CACNA1B: variants seen among roughly 807,000 people sequenced by gnomAD.
The protein encoded by CACNA1B is calcium voltage-gated channel subunit alpha1 B.
Under a neutral mutation model 247.2 loss-of-function variants are expected in CACNA1B, and 70 were observed. The observed-to-expected ratio is 0.28, with a 90% CI of 0.23 to 0.35. The LOEUF (loss-of-function observed/expected upper bound fraction) is 0.35, where lower values mean the gene tolerates loss of function less well. Ranked by LOEUF, CACNA1B falls within the 10% of genes least tolerant of loss-of-function variation. CACNA1B has a pLI of 1.00. For synonymous variants in CACNA1B, 1,231 were observed against 1,294.4 expected, an observed-to-expected ratio of 0.95 and a Z score of 1.05; for missense variants, 2,367 against 3,197.4, an observed-to-expected ratio of 0.74 and a Z score of 6.26.
In CACNA1B at chr9:137,971,737, T is replaced by C. The variant is rs4412433; in HGVS notation, c.1543+145T>C. On this transcript the variant is annotated intron_variant, in intron 11 of 46. Coordinates refer to ENST00000371372, the MANE Select transcript of CACNA1B (RefSeq NM_000718.4). The surrounding 1 kb of genome is among the most constrained non-coding windows in gnomAD (Gnocchi z 4.4). ...AAGTATCCCACAGCCCTAGTCAGCC[T>C]CCAGGAGCCTCTGTGGGGGCCTGGG... is the stretch of plus-strand genomic sequence containing the variant. 0.29 allele frequency: 199,728 copies of C among 685,552 alleles called. 39,185 individuals carry two copies. The highest frequency in any genetic ancestry group is 0.7 in the African/African-American group (39,389 of 55,920). The allele number at this position is 685,552 out of a possible 1,614,324, so 42.5% of individuals were successfully genotyped here.
At chr9:138,118,512 G>C (rs1012851570) in intron 43 of CACNA1B, 140 bp from the exon 44 acceptor site, 5 of 582,112 alleles carry the variant, frequency 8.6e-6, no homozygotes, top group African/African-American at 7.6e-5. Flanking sequence ...GGTGGGGGAC[G>C]TGTGAACAGC....
rs2133486760 is a variant in CACNA1B, at chr9:138,050,791, G to A, written c.3711-1301G>A. Among the ~76,000 whole-genome samples the A allele has an allele frequency of 6.6e-6, 1 of 152,272 alleles. No individual in the cohort carries two copies. Among genetic ancestry groups the A allele is most frequent in the South Asian group, 2.1e-4 (1 of 4,828 alleles). On this transcript the variant is annotated intron_variant, in intron 24 of 46. Coordinates refer to ENST00000371372, the MANE Select transcript of CACNA1B (RefSeq NM_000718.4). This position sits in a 1 kb window ranked among gnomAD's most constrained non-coding sequence, Gnocchi z 5.2. Reference sequence around the variant, plus strand: ...GGCGGAGGAGCTGGTTTGAGAGTGGGTGTCGGGAGCACTGGGGTGATGGAG... The same window carrying A: ...GGCGGAGGAGCTGGTTTGAGAGTGGATGTCGGGAGCACTGGGGTGATGGAG...
chr9:137,894,104 A>G lies in CACNA1B; in HGVS notation c.530+11221A>G, dbSNP rs1378442927. On this transcript the variant is annotated intron_variant, in intron 3 of 46. Transcript: ENST00000371372. ...CACATTCATGTACAGGTTTTTGTGT[A>G]AATATAAGTTCTCACTTCTCTGGGA... 2.0e-5 allele frequency among the ~76,000 whole-genome samples: 3 copies of G among 152,244 alleles called. No homozygotes were observed. The South Asian group carries it at 6.2e-4, about 32-fold the overall frequency.
chr9:137,911,645 C>T (rs1450463457), intron 3 of CACNA1B, among the ~76,000 whole-genome samples: 1 of 152,196 alleles, frequency 6.6e-6, no homozygotes, highest in East Asian at 1.9e-4. Context: ...TCTCGAACTC[C>T]TGACCTCAGG....
At chr9:137,968,359 G>A (rs1048047627) in intron 10 of CACNA1B, among the ~76,000 whole-genome samples, 3 of 152,214 alleles carry the variant, frequency 2.0e-5, no homozygotes, top group Non-Finnish European at 2.9e-5. Context: ...CGGCCCTGAC[G>A]CCTTGTCAGC....
chr9:137,988,217 G>A (rs1039132072), intron 15 of CACNA1B, among the ~76,000 whole-genome samples: 4 of 152,236 alleles, frequency 2.6e-5, no homozygotes, highest in East Asian at 1.9e-4. Flanking sequence ...GGAGCTGCCC[G>A]TAGGGTCCTG....
At chr9:137,942,888 C>T (rs1260630997) in intron 6 of CACNA1B, among the ~76,000 whole-genome samples, 15 of 152,014 alleles carry the variant, frequency 9.9e-5, no homozygotes, top group Non-Finnish European at 2.2e-4. Flanking sequence ...GATAGGTGCA[C>T]GAAAATCTCA....
intron 10 of CACNA1B, among the ~76,000 whole-genome samples, chr9:137,969,638 C>G (rs1958121703): frequency 6.6e-6 from 1 of 152,162 alleles, no homozygotes; most frequent in Non-Finnish European, 1.5e-5. Flanking sequence ...TTTGTGTCCA[C>G]AGGTGTGTGC....
intron 18 of CACNA1B, among the ~76,000 whole-genome samples, chr9:138,015,236 G>A (rs1554747641): frequency 6.6e-6 from 1 of 152,166 alleles, no homozygotes; most frequent in Non-Finnish European, 1.5e-5. Flanking sequence ...CGGTGCAGCT[G>A]TGGGCCCTCA....
At position 138,096,661 on chromosome 9, in the gene CACNA1B, AGATCTTGGG is replaced by A. The variant is rs763253645; in HGVS notation, c.5222+51_5222+59del. The A allele has an allele frequency of 3.2e-6, 5 of 1,570,404 alleles. No homozygotes were observed. The Admixed American group carries it at 7.1e-5, about 22-fold the overall frequency. The stretch of plus-strand genomic sequence containing the variant: ...GTCCTTGGGGGTGGTCCATGCCCAT[AGATCTTGGG>A]ATGGGCCTGGTGGCTTCAGACATGT... On this transcript the variant is annotated intron_variant, in intron 37 of 46. Transcript: ENST00000371372.
chr9:138,063,707 A>T (rs897264812), intron 31 of CACNA1B, among the ~76,000 whole-genome samples: 1 of 152,196 alleles, frequency 6.6e-6, no homozygotes, highest in Non-Finnish European at 1.5e-5. Flanking sequence ...AATCTCCCAC[A>T]GCAGTGGGTA....
intron 39 of CACNA1B, among the ~76,000 whole-genome samples, chr9:138,107,594 C>T (rs1961476590): frequency 6.6e-6 from 1 of 152,158 alleles, no homozygotes; most frequent in Admixed American, 6.5e-5. Flanking sequence ...CCTCCTCTGG[C>T]TCTCAGCTGT....
At chr9:137,924,244 A>G (rs762441389) in intron 6 of CACNA1B, among the ~76,000 whole-genome samples, 3 of 151,342 alleles carry the variant, frequency 2.0e-5, no homozygotes, top group Admixed American at 6.6e-5. Flanking sequence ...TATATTTTAC[A>G]TGTAAGTTTA....
rs145299258 is a variant in CACNA1B, at chr9:138,021,470, G to C, written c.2268-1541G>C. 3.2e-3 allele frequency among the ~76,000 whole-genome samples: 485 copies of C among 152,374 alleles called. 2 individuals are homozygous for C. The highest frequency in any genetic ancestry group is 0.011 in the African/African-American group (458 of 41,602). On this transcript the variant is annotated intron_variant, in intron 18 of 46. Transcript: ENST00000371372. Reference sequence around the variant, plus strand: ...ACCTGCCTGGGGTGGGCCGGCTGCAGGGACTGGGCTTTCCCACATCTGGCT... The same window carrying C: ...ACCTGCCTGGGGTGGGCCGGCTGCACGGACTGGGCTTTCCCACATCTGGCT...
At position 137,878,914 on chromosome 9, in the gene CACNA1B, G is replaced by T. The variant is rs117085575; in HGVS notation, c.285-140G>T. 3 of 585,300 alleles carry T rather than the reference G, an allele frequency of 5.1e-6. No individual in the cohort carries two copies. In the East Asian group the frequency reaches 9.0e-5, roughly 18 times the overall value. 36.3% of individuals were successfully genotyped at this position (585,300 alleles called of 1,614,324 possible). On this transcript the variant is annotated intron_variant, in intron 1 of 46. Transcript: ENST00000371372. ...GAGTGAGGGAGACCAGGCCGCTTCC[G>T]CCAGGAGAGGGGCTCCGGACCCAGT...
chr9:138,096,995 G>A (rs763646405), intron 37 of CACNA1B, among the ~76,000 whole-genome samples: 2 of 151,536 alleles, frequency 1.3e-5, no homozygotes, highest in East Asian at 1.9e-4. Context: ...GCTTGTGGGA[G>A]GGTGTGTGGA....
chr9:137,879,541 G>T (rs1482168725), intron 2 of CACNA1B, among the ~76,000 whole-genome samples: 1 of 152,246 alleles, frequency 6.6e-6, no homozygotes, highest in Non-Finnish European at 1.5e-5. Flanking sequence ...GCCCTGCTGG[G>T]CTGAGATGGG....
chr9:138,108,326 A>AAAAAGC (rs1961506702), intron 39 of CACNA1B, among the ~76,000 whole-genome samples: 1 of 151,256 alleles, frequency 6.6e-6, no homozygotes, highest in Non-Finnish European at 1.5e-5. Context: ...AAAAAAAAAA[A>AAAAAGC]AAAAGCAAAA....
intron 6 of CACNA1B, among the ~76,000 whole-genome samples, chr9:137,933,983 A>T (rs1589016404): frequency 1.3e-5 from 2 of 152,254 alleles, no homozygotes; most frequent in South Asian, 4.1e-4. Flanking sequence ...CTTGTTATAA[A>T]AATGAATTGA....
Sources: gnomAD v4.1 joint callset for allele counts (sites outside exome capture counted in the v4.1 genomes callset) on GRCh38, gnomAD v4.1.1 for gene constraint, Gnocchi (gnomAD v3.1) non-coding constraint, MANE v1.5 for transcripts, NCBI Gene and HGNC (gene_info 2026-07-23, HGNC 2026-07-21) for gene names.